Variants in KCND3 observed in about 807,000 individuals in gnomAD.
KCND3 encodes the protein A-type voltage-gated potassium channel KCND3.
In KCND3, 9 loss-of-function variants were observed where a neutral mutation model predicts 51.1. That is an observed-to-expected ratio of 0.18 (90% confidence interval 0.11 to 0.31). The LOEUF is 0.31. KCND3 is among the 10% of genes least tolerant of loss of function. The probability of loss-of-function intolerance (pLI) is 1.00; values close to 1 mark genes in which losing one functional copy is unlikely to be tolerated. For synonymous variants in KCND3, 349 were observed against 368.0 expected (o/e 0.95, Z 0.59); for missense variants, 526 against 903.8 (o/e 0.58, Z 5.36).
intron 2 of KCND3, among the ~76,000 whole-genome samples, chr1:111,795,244 G>C (rs1317024597): frequency 6.6e-6 from 1 of 152,026 alleles, no homozygotes; most frequent in African/African-American, 2.4e-5. Flanking sequence ...ACTCTCCTTG[G>C]CTCACCTGCA....
intron 2 of KCND3, among the ~76,000 whole-genome samples, chr1:111,816,649 C>G (rs1035007916): frequency 1.3e-5 from 2 of 152,184 alleles, no homozygotes; most frequent in Admixed American, 1.3e-4. Context: ...TAATGTTCTC[C>G]ACAATTCTAG....
At chr1:111,810,024 T>A (rs899898192) in intron 2 of KCND3, among the ~76,000 whole-genome samples, 1 of 152,212 alleles carries the variant, frequency 6.6e-6, no homozygotes, top group African/African-American at 2.4e-5. Flanking sequence ...TGGTCCAGCA[T>A]CACCCAATGT....
rs1389498548 is a variant in KCND3, at chr1:111,780,414, C to T, written c.1372-100G>A. The T allele has an allele frequency of 2.4e-6, 3 of 1,239,526 alleles. No homozygotes were observed. In the Admixed American group the frequency reaches 6.0e-5, roughly 25 times the overall value. 76.8% of individuals were successfully genotyped at this position (1,239,526 alleles called of 1,614,324 possible). ...AAAGGTCAAAGGGCAATAGAATAAT[C>T]AAATTTTTTTTTATTTGACCAAATT... On this transcript the variant is annotated intron_variant, in intron 4 of 7. Coordinates refer to ENST00000302127, the MANE Select transcript of KCND3 (RefSeq NM_001378969.1). This position sits in a 1 kb window ranked among gnomAD's most constrained non-coding sequence, Gnocchi z 4.2.
At chr1:111,847,487 C>G (rs1162007713) in intron 2 of KCND3, among the ~76,000 whole-genome samples, 1 of 152,028 alleles carries the variant, frequency 6.6e-6, no homozygotes, top group Non-Finnish European at 1.5e-5. Context: ...GGCAGGGCAG[C>G]CCAGAATGCC....
chr1:111,788,019 C>T (rs1664682402), intron 2 of KCND3, among the ~76,000 whole-genome samples: 1 of 152,206 alleles, frequency 6.6e-6, no homozygotes, highest in Non-Finnish European at 1.5e-5. Flanking sequence ...TGTGAAGCCA[C>T]TTTGGAACTG....
At chr1:111,803,124 C>A (rs1286408379) in intron 2 of KCND3, among the ~76,000 whole-genome samples, 1 of 152,118 alleles carries the variant, frequency 6.6e-6, no homozygotes, top group Non-Finnish European at 1.5e-5. Flanking sequence ...GTTCTTTGAG[C>A]CTTTGCCTTT....
At chr1:111,967,126 G>A (rs896990955) in intron 2 of KCND3, among the ~76,000 whole-genome samples, 2 of 147,072 alleles carry the variant, frequency 1.4e-5, no homozygotes, top group Non-Finnish European at 3.0e-5. Flanking sequence ...GGAGACAAGA[G>A]TGAGATTCCG....
At chr1:111,900,286 C>T (rs61788922) in intron 2 of KCND3, among the ~76,000 whole-genome samples, 119 of 152,274 alleles carry the variant, frequency 7.8e-4, no homozygotes, top group African/African-American at 2.5e-3. Context: ...TCTGAGACTA[C>T]GGTGCAGAAG....
chr1:111,809,975 A>G (rs984899476), intron 2 of KCND3, among the ~76,000 whole-genome samples: 2 of 152,178 alleles, frequency 1.3e-5, no homozygotes, highest in African/African-American at 4.8e-5. Context: ...CCTGGGCTCT[A>G]AAGGCAGCAC....
intron 2 of KCND3, among the ~76,000 whole-genome samples, chr1:111,836,266 G>A (rs1051587214): frequency 2.0e-4 from 31 of 152,240 alleles, no homozygotes; most frequent in African/African-American, 7.5e-4. Flanking sequence ...GCCAGTTTGG[G>A]CCGCCTGCCT....
chr1:111,894,793 C>T (rs990005176), intron 2 of KCND3, among the ~76,000 whole-genome samples: 1 of 152,204 alleles, frequency 6.6e-6, no homozygotes, highest in Non-Finnish European at 1.5e-5. Context: ...GGCCTCTGCC[C>T]TGTGCCTGCC....
chr1:111,790,123 C>G lies in KCND3; in HGVS notation c.1107-3017G>C, dbSNP rs548090199. On this transcript the variant is annotated intron_variant, in intron 2 of 7. Transcript: ENST00000302127. ...GAATTTTTCAACAACTTATAAAAGC[C>G]AGAGGGAGGCAGCATGGCCTAATAA... Among the ~76,000 whole-genome samples, 26 of 152,210 alleles carry G rather than the reference C, an allele frequency of 1.7e-4. No homozygotes were observed. In the South Asian group the frequency reaches 3.7e-3, roughly 22 times the overall value.
At position 111,957,352 on chromosome 1, in the gene KCND3, C is replaced by T. The variant is rs188910336; in HGVS notation, c.1106+24269G>A. Among the ~76,000 whole-genome samples the T allele has an allele frequency of 2.0e-3, 304 of 152,282 alleles. 2 individuals carry two copies. The highest frequency in any genetic ancestry group is 6.6e-3 in the Admixed American group (101 of 15,302). On this transcript the variant is annotated intron_variant, in intron 2 of 7. Transcript: ENST00000302127. ...GCCCCACCCGAGGAACGTGATGGGC[C>T]GGGAACAAAGCGGTGTGGCAGAGAG...
rs186544370 is a variant in KCND3 at position 111,839,862 on chromosome 1, A to G, written c.1107-52756T>C. On this transcript the variant is annotated intron_variant, in intron 2 of 7. Coordinates refer to ENST00000302127, the MANE Select transcript of KCND3 (RefSeq NM_001378969.1). ...TTAACAGTAACAACCACAGAAATAC[A>G]AAAGTGCCCTTTTTTGGCTGGAATT... Among the ~76,000 whole-genome samples the G allele has an allele frequency of 5.3e-5, 8 of 152,374 alleles. No individual in the cohort carries two copies. The East Asian group carries it at 1.3e-3, about 26-fold the overall frequency.
chr1:111,948,231 C>T (rs1037139651), intron 2 of KCND3, among the ~76,000 whole-genome samples: 2 of 152,222 alleles, frequency 1.3e-5, no homozygotes, highest in South Asian at 2.1e-4. Flanking sequence ...TTTCAAGCCA[C>T]GGGGCTGGTG....
At chr1:111,827,976 A>G (rs952584171) in intron 2 of KCND3, among the ~76,000 whole-genome samples, 8 of 152,186 alleles carry the variant, frequency 5.3e-5, no homozygotes, top group African/African-American at 1.9e-4. Context: ...CCTGAATGCC[A>G]TTAGTGGATT....
At position 111,801,763 on chromosome 1, in the gene KCND3, C is replaced by T. The variant is rs1442208326; in HGVS notation, c.1107-14657G>A. On this transcript the variant is annotated intron_variant, in intron 2 of 7. Transcript: ENST00000302127. ...GCATTCCCCACGCTGTGCTGCCCTC[C>T]ATCTTGGGCATCCTCTCTTCCCTTT... Among the ~76,000 whole-genome samples, 8 of 152,234 alleles carry T rather than the reference C, an allele frequency of 5.3e-5. No individual in the cohort carries two copies. The East Asian group carries it at 1.3e-3, about 26-fold the overall frequency.
At chr1:111,814,303 G>A (rs957169974) in intron 2 of KCND3, among the ~76,000 whole-genome samples, 1 of 152,220 alleles carries the variant, frequency 6.6e-6, no homozygotes, top group Admixed American at 6.5e-5. Context: ...AGCACGGGGA[G>A]CTCTGTAACA....
At chr1:111,788,312 C>A (rs1343073144) in intron 2 of KCND3, among the ~76,000 whole-genome samples, 1 of 152,206 alleles carries the variant, frequency 6.6e-6, no homozygotes, top group African/African-American at 2.4e-5. Context: ...GTGTCTGGAG[C>A]AGAAACAAGC....
Sources: gnomAD v4.1 joint callset for allele counts (sites outside exome capture counted in the v4.1 genomes callset) on GRCh38, gnomAD v4.1.1 for gene constraint, Gnocchi (gnomAD v3.1) non-coding constraint, MANE v1.5 for transcripts, NCBI Gene and HGNC (gene_info 2026-07-23, HGNC 2026-07-21) for gene names.